The following FHOD3 variants were observed in gnomAD, a reference collection of about 807,000 sequenced individuals.
The protein encoded by FHOD3 is FH1/FH2 domain-containing protein 3.
FHOD3 carries 90 observed loss-of-function variants against 173.0 expected under a neutral mutation model. That is an observed-to-expected ratio of 0.52 (90% CI 0.44 to 0.62). FHOD3 has a LOEUF of 0.62. FHOD3 is among the 20% of genes least tolerant of loss of function. The probability of loss-of-function intolerance (pLI) is 0.00; values close to 1 mark genes in which losing one functional copy is unlikely to be tolerated. For missense variants in FHOD3, 1,945 were observed against 2,034.7 expected, an observed-to-expected ratio of 0.96 and a Z score of 0.85; for synonymous variants, 828 against 823.0, an observed-to-expected ratio of 1.01 and a Z score of -0.10.
At chr18:36,591,441 C>T (rs1216512625) in intron 6 of FHOD3, among the ~76,000 whole-genome samples, 2 of 152,184 alleles carry the variant, frequency 1.3e-5, no homozygotes, top group African/African-American at 4.8e-5. Flanking sequence ...GGGCTCACTC[C>T]ACACAGCATA....
intron 10 of FHOD3, among the ~76,000 whole-genome samples, chr18:36,626,842 C>G (rs1179600358): frequency 6.6e-6 from 1 of 152,172 alleles, no homozygotes; most frequent in Non-Finnish European, 1.5e-5. Context: ...ACCCCACCAG[C>G]ACCAAGAGGT....
chr18:36,350,752 G>A (rs2046086172), intron 1 of FHOD3, among the ~76,000 whole-genome samples: 1 of 152,174 alleles, frequency 6.6e-6, no homozygotes, highest in Non-Finnish European at 1.5e-5. Flanking sequence ...TGATATATCT[G>A]TCTAAATCTG....
At chr18:36,438,271 C>T (rs1028434152) in intron 3 of FHOD3, among the ~76,000 whole-genome samples, 2 of 152,172 alleles carry the variant, frequency 1.3e-5, no homozygotes, top group Non-Finnish European at 2.9e-5. Context: ...TGCATTTCTC[C>T]GCTGACTCTG....
In FHOD3 at chr18:36,625,628, C is replaced by T. The variant is rs145926464; in HGVS notation, c.1075C>T (p.Arg359Cys). 8.7e-6 allele frequency: 14 copies of T among 1,605,464 alleles called. No homozygotes were observed. Among genetic ancestry groups the T allele is most frequent in the Middle Eastern group, 1.7e-4 (1 of 6,058 alleles). Reference protein sequence around the residue: ...SGGGEHRGLDRRRSRRHSVQS... With the variant: ...SGGGEHRGLDCRRSRRHSVQS... ...CGGAGGCGAGCACCGGGGCCTGGAC[C>T]GCAGAAGGAGCCGCAGGCACTCGGT... is the stretch of plus-strand genomic sequence containing the variant. The change falls in exon 10 of 29, where the codon CGC becomes TGC. Residue 359 changes from arginine to cysteine, a missense_variant. Transcript: ENST00000590592.
chr18:36,312,032 C>T (rs1324538621), intron 1 of FHOD3, among the ~76,000 whole-genome samples: 2 of 152,204 alleles, frequency 1.3e-5, no homozygotes, highest in South Asian at 2.1e-4. Flanking sequence ...TGTCTAAGCC[C>T]CACTGTCTTA....
intron 1 of FHOD3, among the ~76,000 whole-genome samples, chr18:36,335,754 C>T (rs946572593): frequency 7.9e-5 from 12 of 152,158 alleles, no homozygotes; most frequent in African/African-American, 2.9e-4. Flanking sequence ...ATCTCTGTTC[C>T]TGGCCTCCAA....
intron 3 of FHOD3, among the ~76,000 whole-genome samples, chr18:36,439,223 C>T (rs1461432672): frequency 6.6e-6 from 1 of 152,182 alleles, no homozygotes; most frequent in Non-Finnish European, 1.5e-5. Flanking sequence ...GTTCTATCCC[C>T]AACCCTATGG....
chr18:36,708,728 G>A (rs1047294415), intron 17 of FHOD3, among the ~76,000 whole-genome samples: 4 of 152,150 alleles, frequency 2.6e-5, no homozygotes, highest in Non-Finnish European at 4.4e-5. Flanking sequence ...AGCTTCTAGA[G>A]GCCACCTGCA....
intron 3 of FHOD3, among the ~76,000 whole-genome samples, chr18:36,442,274 C>A (rs1057375066): frequency 3.3e-5 from 5 of 152,120 alleles, no homozygotes; most frequent in African/African-American, 1.2e-4. Flanking sequence ...TGGAGGCTAG[C>A]AGTTGATTTT....
intron 1 of FHOD3, among the ~76,000 whole-genome samples, chr18:36,338,952 C>A (rs1469768900): frequency 6.6e-6 from 1 of 152,116 alleles, no homozygotes; most frequent in African/African-American, 2.4e-5. Context: ...AGGGGAAGTT[C>A]TGAACAGATT....
At position 36,617,583 on chromosome 18, in the gene FHOD3, C is replaced by CTGTGTG. The variant is rs763613681; in HGVS notation, c.957+5519_957+5524dup. Among the ~76,000 whole-genome samples, 565 of 116,334 alleles carry CTGTGTG rather than the reference C, an allele frequency of 4.9e-3. 8 individuals are homozygous for CTGTGTG. Among genetic ancestry groups the CTGTGTG allele is most frequent in the African/African-American group, 0.015 (533 of 35,856 alleles). 76.3% of individuals were successfully genotyped at this position (116,334 alleles called of 152,430 possible). ...CTACTACGAGAGTTCTTGTACTTCC[C>CTGTGTG]TGTGTGTGTGTGTGTGTGTGTGTGT... On this transcript the variant is annotated intron_variant, in intron 9 of 28. Transcript: ENST00000590592.
chr18:36,712,009 C>T (rs927869655), intron 18 of FHOD3, among the ~76,000 whole-genome samples: 1 of 152,176 alleles, frequency 6.6e-6, no homozygotes, highest in Middle Eastern at 3.2e-3. Flanking sequence ...AGGGAGGGGG[C>T]ACTGACGTTC....
At position 36,759,129 on chromosome 18, in the gene FHOD3, G is replaced by A. The variant is rs1340972226; in HGVS notation, c.4437G>A (p.Glu1479=). ...GTCCTCTCGGGTAGACTGATGAGGA[G>A]GAGGAAGTTGAGGTATGACCATTTA... ...RGKMITDTDE[E]EEVESGKFSG... The change falls in exon 26 of 29, where the codon GAG becomes GAA. Residue 1479 remains glutamate, a synonymous_variant. Coordinates refer to ENST00000590592, the MANE Select transcript of FHOD3 (RefSeq NM_001281740.3). 3 of 1,535,912 alleles carry A rather than the reference G, an allele frequency of 2.0e-6. No individual in the cohort carries two copies. Among genetic ancestry groups the A allele is most frequent in the Non-Finnish European group, 2.6e-6 (3 of 1,146,726 alleles).
intron 3 of FHOD3, among the ~76,000 whole-genome samples, chr18:36,478,763 C>A (rs2053724945): frequency 6.6e-6 from 1 of 152,046 alleles, no homozygotes; most frequent in Admixed American, 6.5e-5. Flanking sequence ...TTTTTGTTAC[C>A]CATTAGTCCC....
intron 14 of FHOD3, among the ~76,000 whole-genome samples, chr18:36,661,743 A>G (rs572186766): frequency 6.6e-6 from 1 of 152,356 alleles, no homozygotes; most frequent in South Asian, 2.1e-4. Flanking sequence ...AAATTGACAT[A>G]GGAAGGAAGT....
At chr18:36,452,522 C>T (rs2051916787) in intron 3 of FHOD3, among the ~76,000 whole-genome samples, 1 of 152,200 alleles carries the variant, frequency 6.6e-6, no homozygotes, top group Non-Finnish European at 1.5e-5. Context: ...TAACTATAGG[C>T]ATAGTACAGC....
intron 3 of FHOD3, among the ~76,000 whole-genome samples, chr18:36,392,180 A>G (rs1337319309): frequency 6.6e-6 from 1 of 152,180 alleles, no homozygotes; most frequent in African/African-American, 2.4e-5. Context: ...TGAGACAGTC[A>G]TAGGGTTTTG....
intron 2 of FHOD3, among the ~76,000 whole-genome samples, chr18:36,368,217 A>G (rs968405998): frequency 2.0e-5 from 3 of 152,192 alleles, no homozygotes; most frequent in Non-Finnish European, 2.9e-5. Context: ...AGGGCAGGCT[A>G]GCAGGCTGGA....
intron 1 of FHOD3, among the ~76,000 whole-genome samples, chr18:36,331,982 T>A (rs990578915): frequency 2.0e-5 from 3 of 152,026 alleles, no homozygotes; most frequent in Admixed American, 2.0e-4. Flanking sequence ...GGCTGTGAGG[T>A]TGCTGAAAGA....
Sources: allele counts gnomAD v4.1 joint callset (sites outside exome capture counted in the v4.1 genomes callset), GRCh38; gene constraint gnomAD v4.1.1; transcripts MANE v1.5; gene names NCBI Gene and HGNC (gene_info 2026-07-23, HGNC 2026-07-21).